Variants in TUSC3 observed in about 807,000 individuals in gnomAD.
TUSC3 encodes tumor suppressor candidate 3.
A neutral mutation model predicts 44.8 loss-of-function variants in TUSC3; 45 were observed. The ratio of observed to expected loss-of-function variants is 1.00; its 90% CI spans 0.79 to 1.29. TUSC3 has a LOEUF of 1.29. Ranked by LOEUF, TUSC3 falls within the 50% of genes most tolerant of loss-of-function variation. The probability of loss-of-function intolerance (pLI) is 0.00; values close to 1 mark genes in which losing one functional copy is unlikely to be tolerated. For missense variants in TUSC3, 519 were observed against 437.9 expected (o/e 1.19, Z -1.65); for synonymous variants, 212 against 152.9 (o/e 1.39, Z -2.85).
chr8:15,599,401 T>G (rs1014527972), intron 1 of TUSC3, among the ~76,000 whole-genome samples: 2 of 151,784 alleles, frequency 1.3e-5, no homozygotes, highest in Non-Finnish European at 3.0e-5. Flanking sequence ...CGTTCACCAT[T>G]TCTTTTGGAG....
In TUSC3 at chr8:15,455,560, A is replaced by G. The variant is rs558251120; in HGVS notation, n.92-27826A>G. Reference sequence around the variant, plus strand: ...CACACATATATATGCATTTGTGTATATGTATACATATACTTTTTTTTAACT... The same window carrying G: ...CACACATATATATGCATTTGTGTATGTGTATACATATACTTTTTTTTAACT... On this transcript the variant is annotated intron_variant and non_coding_transcript_variant, in intron 1 of 5. Coordinates refer to the TUSC3 transcript ENST00000503191. 5.9e-5 allele frequency among the ~76,000 whole-genome samples: 9 copies of G among 152,314 alleles called. No homozygotes were observed. The South Asian group carries it at 1.9e-3, about 32-fold the overall frequency.
chr8:15,611,907 TA>T (rs1261968260), intron 1 of TUSC3, among the ~76,000 whole-genome samples: 2 of 152,244 alleles, frequency 1.3e-5, no homozygotes, highest in African/African-American at 4.8e-5. Context: ...ACTTTTCTAC[TA>T]AATGCAAAAC....
In TUSC3 at chr8:15,478,514, G is replaced by A. The variant is rs1800613448; in HGVS notation, n.92-4872G>A. On this transcript the variant is annotated intron_variant and non_coding_transcript_variant, in intron 1 of 5. Coordinates refer to the TUSC3 transcript ENST00000503191. ...CATTGTTGAACTCCCACTCATAAGTGAGAACATGCAATGTTTGGTTTTCTG... is the reference window on the plus strand; with the variant it reads ...CATTGTTGAACTCCCACTCATAAGTAAGAACATGCAATGTTTGGTTTTCTG... 2.0e-5 allele frequency among the ~76,000 whole-genome samples: 3 copies of A among 152,270 alleles called. 1 individual carries two copies. Among genetic ancestry groups the A allele is most frequent in the South Asian group, 4.1e-4 (2 of 4,834 alleles).
At chr8:15,681,245 A>G (rs1439673581) in intron 6 of TUSC3, among the ~76,000 whole-genome samples, 1 of 149,256 alleles carries the variant, frequency 6.7e-6, no homozygotes, top group Admixed American at 6.7e-5. Context: ...TTTCAGTAGG[A>G]TTGGTACCAG....
the TUSC3 span, among the ~76,000 whole-genome samples, chr8:15,839,932 G>C: frequency 6.6e-6 from 1 of 152,108 alleles, no homozygotes; most frequent in African/African-American, 2.4e-5. Flanking sequence ...GCACACATAC[G>C]TTTACTGTGG....
chr8:15,494,605 C>G (rs553897701), intron 2 of TUSC3, among the ~76,000 whole-genome samples: 4 of 152,312 alleles, frequency 2.6e-5, no homozygotes, highest in African/African-American at 9.6e-5. Context: ...GCGTGAGCCA[C>G]CGCACCTGGC....
chr8:15,459,884 A>G (rs1297734215), intron 1 of TUSC3, among the ~76,000 whole-genome samples: 1 of 150,844 alleles, frequency 6.6e-6, no homozygotes, highest in African/African-American at 2.5e-5. Context: ...GTATACATAC[A>G]TACATACATA....
intron 1 of TUSC3, among the ~76,000 whole-genome samples, chr8:15,423,426 C>G (rs1563246986): frequency 6.6e-6 from 1 of 152,148 alleles, no homozygotes. Flanking sequence ...TAGTGCGTTC[C>G]ATAAGTCTGT....
In TUSC3 at chr8:15,540,575, T is replaced by A. The variant is rs748175275; in HGVS notation, c.138+7T>A. The A allele has an allele frequency of 6.4e-7, 1 of 1,572,504 alleles. No homozygotes were observed. Among genetic ancestry groups the A allele is most frequent in the East Asian group, 2.5e-5 (1 of 40,410 alleles). The stretch of plus-strand genomic sequence containing the variant: ...AGGACAGAAGAAAAAGGAGGTAGAA[T>A]GGATCCCCTTGGCCTTCCCCTGTGG... On this transcript the variant is annotated splice_region_variant and intron_variant, in intron 1 of 10. Transcript: ENST00000503731.
intron 1 of TUSC3, among the ~76,000 whole-genome samples, chr8:15,540,818 C>G (rs1056132401): frequency 1.3e-5 from 2 of 152,170 alleles, no homozygotes; most frequent in African/African-American, 2.4e-5. Context: ...CCTTTCAGAC[C>G]CAGGGCGCCT....
At chr8:15,835,880 T>C in the TUSC3 span, among the ~76,000 whole-genome samples, 5 of 152,178 alleles carry the variant, frequency 3.3e-5, no homozygotes, top group African/African-American at 1.2e-4. Context: ...CTGATATTGA[T>C]GTATTTTTGC....
chr8:15,695,399 T>A (rs148999558), intron 6 of TUSC3, among the ~76,000 whole-genome samples: 210 of 152,348 alleles, frequency 1.4e-3, no homozygotes, highest in African/African-American at 4.9e-3. Context: ...TGTTCCTCCT[T>A]GTCTTCTGCC....
At position 15,751,473 on chromosome 8, in the gene TUSC3, C is replaced by T. The variant is rs142101366; in HGVS notation, c.1028+3008C>T. 4.3e-3 allele frequency among the ~76,000 whole-genome samples: 648 copies of T among 152,190 alleles called. 5 individuals are homozygous for T. Among genetic ancestry groups the T allele is most frequent in the South Asian group, 0.021 (102 of 4,826 alleles). ...TTTGGCTCCCACCTATATATACTAC[C>T]GGTTCTCACTCTCTCAACATGATTT... On this transcript the variant is annotated intron_variant, in intron 9 of 10. Coordinates refer to ENST00000503731, the MANE Select transcript of TUSC3 (RefSeq NM_006765.4).
chr8:15,422,223 G>A (rs1468586256), intron 1 of TUSC3, among the ~76,000 whole-genome samples: 2 of 152,150 alleles, frequency 1.3e-5, no homozygotes, highest in East Asian at 3.8e-4. Context: ...TACTATTCTT[G>A]TGTGAGTTTA....
rs796828092 is a variant in TUSC3, at chr8:15,673,644, A to G, written c.709-103A>G. 6.9e-6 allele frequency: 7 copies of G among 1,009,036 alleles called. No individual in the cohort carries two copies. In the Admixed American group the frequency reaches 9.1e-5, roughly 13 times the overall value. The allele number at this position is 1,009,036 out of a possible 1,614,324, so 62.5% of individuals were successfully genotyped here. ...TTTTTTAAAATGTGTGAGCTGATAC[A>G]TGATTTTTAAAAGATACTTTCATGA... On this transcript the variant is annotated intron_variant, in intron 5 of 10. Transcript: ENST00000503731.
chr8:15,830,246 C>T, the TUSC3 span, among the ~76,000 whole-genome samples: 1 of 151,954 alleles, frequency 6.6e-6, no homozygotes, highest in African/African-American at 2.4e-5. Context: ...TGTAGGTTGT[C>T]TGCTTATTCT....
intron 9 of TUSC3, among the ~76,000 whole-genome samples, chr8:15,749,130 C>T (rs199620484): frequency 8.0e-6 from 1 of 125,510 alleles, no homozygotes; most frequent in Non-Finnish European, 1.7e-5. Context: ...AATAACTTAA[C>T]ATTTTTTTCT....
chr8:15,764,093 TGACATTTTAATGTTA>T, intron 10 of TUSC3, 95 bp from the exon 11 acceptor site: 1 of 1,127,448 alleles, frequency 8.9e-7, no homozygotes. Flanking sequence ...AATACAATTA[TGACATTTTAATGTTA>T]TATTTACATG....
chr8:15,605,533 A>G (rs538873893), intron 1 of TUSC3, among the ~76,000 whole-genome samples: 2 of 151,956 alleles, frequency 1.3e-5, no homozygotes, highest in African/African-American at 2.4e-5. Flanking sequence ...TTTCAAATCA[A>G]TATATTGGAA....
Sources: allele counts gnomAD v4.1 joint callset (sites outside exome capture counted in the v4.1 genomes callset), GRCh38; gene constraint gnomAD v4.1.1; transcripts MANE v1.5; gene names NCBI Gene and HGNC (gene_info 2026-07-23, HGNC 2026-07-21).